PTDSS1: variants seen among roughly 807,000 people sequenced by gnomAD.
PTDSS1 encodes PSS-1.
PTDSS1 carries 45 observed loss-of-function variants against 70.5 expected under a neutral mutation model. The observed-to-expected ratio is 0.64, with a 90% CI of 0.50 to 0.82. The LOEUF is 0.82. Among genes scored for constraint, PTDSS1 ranks in the 40% least tolerant of loss-of-function variants. The pLI, the probability that PTDSS1 is intolerant of heterozygous loss-of-function variation, is 0.00. For missense variants in PTDSS1, 417 were observed against 586.1 expected (o/e 0.71, Z 2.98); for synonymous variants, 188 against 203.8 (o/e 0.92, Z 0.66).
rs1247007067 is a variant in PTDSS1 at position 96,334,207 on chromosome 8, C to T, written c.*641C>T. ...CAGTCTCCTGTAAGACCTCCTACCA[C>T]ATGGCGAGTATACACCAATCAGGAG... is the stretch of plus-strand genomic sequence containing the variant. On this transcript the variant is annotated 3_prime_UTR_variant, in exon 13 of 13. Transcript: ENST00000517309. 3 of 175,088 alleles carry T rather than the reference C, an allele frequency of 1.7e-5. No homozygotes were observed. The highest frequency in any genetic ancestry group is 7.1e-5 in the African/African-American group (3 of 42,080). 10.8% of individuals were successfully genotyped at this position (175,088 alleles called of 1,614,324 possible).
At chr8:96,331,139 G>A (rs779077840) in intron 12 of PTDSS1, 44 bp downstream of exon 12, 24 of 1,524,346 alleles carry the variant, frequency 1.6e-5, no homozygotes, top group East Asian at 4.5e-5. Context: ...CTGGGTCCTT[G>A]AGATGTGGAA....
At chr8:96,332,788 T>C (rs1233904388) in intron 12 of PTDSS1, among the ~76,000 whole-genome samples, 3 of 152,222 alleles carry the variant, frequency 2.0e-5, no homozygotes, top group African/African-American at 7.2e-5. Context: ...CTGGTAACTT[T>C]TTTTTTGTTG....
chr8:96,293,725 CAG>C (rs1810938149), intron 4 of PTDSS1, among the ~76,000 whole-genome samples: 1 of 152,228 alleles, frequency 6.6e-6, no homozygotes, highest in Non-Finnish European at 1.5e-5. Context: ...TAAAGTCCTC[CAG>C]AGTTATCTGC....
rs2130202676 is a variant in PTDSS1 at position 96,335,992 on chromosome 8, G to A, written c.*2426G>A. On this transcript the variant is annotated 3_prime_UTR_variant, in exon 13 of 13. Transcript: ENST00000517309. The stretch of plus-strand genomic sequence containing the variant: ...ACGGTTTATGTATTTTTCTCCTTAA[G>A]TAGCATTGCATTGAGTGTTAGGTTC... 1 of 152,318 alleles carries A rather than the reference G, an allele frequency of 6.6e-6. No homozygotes were observed. The highest frequency in any genetic ancestry group is 1.5e-5 in the Non-Finnish European group (1 of 68,028). The allele number at this position is 152,318 out of a possible 1,614,324, so 9.4% of individuals were successfully genotyped here.
At chr8:96,311,072 G>A (rs1373750468) in intron 9 of PTDSS1, among the ~76,000 whole-genome samples, 1 of 152,066 alleles carries the variant, frequency 6.6e-6, no homozygotes, top group Non-Finnish European at 1.5e-5. Context: ...GGCCTTAAAT[G>A]TTATATTTTA....
At chr8:96,293,148 C>T (rs576708075) in intron 4 of PTDSS1, among the ~76,000 whole-genome samples, 3 of 152,320 alleles carry the variant, frequency 2.0e-5, no homozygotes, top group African/African-American at 7.2e-5. Context: ...TCTCTGTAGT[C>T]GTAAGCTAGA....
chr8:96,309,003 G>C (rs975890172), intron 8 of PTDSS1, among the ~76,000 whole-genome samples: 9 of 151,896 alleles, frequency 5.9e-5, no homozygotes, highest in African/African-American at 2.2e-4. Flanking sequence ...TTTTTTGCCT[G>C]GTTACAATCA....
chr8:96,329,111 T>C (rs968626323), intron 10 of PTDSS1, among the ~76,000 whole-genome samples: 15 of 152,152 alleles, frequency 9.9e-5, no homozygotes, highest in Non-Finnish European at 1.3e-4. Context: ...TAAAATTATT[T>C]CCTTGAGAAG....
At chr8:96,331,256 G>A (rs192388574) in intron 12 of PTDSS1, among the ~76,000 whole-genome samples, 161 bp downstream of exon 12, 17 of 152,178 alleles carry the variant, frequency 1.1e-4, no homozygotes, top group Admixed American at 2.6e-4. Flanking sequence ...GGCTGGGCAC[G>A]GTGGCTCACG....
chr8:96,316,627 T>C (rs1417492498), intron 9 of PTDSS1, among the ~76,000 whole-genome samples: 1 of 152,060 alleles, frequency 6.6e-6, no homozygotes, highest in East Asian at 1.9e-4. Flanking sequence ...CTGGGTCCAA[T>C]ATACCCATGT....
chr8:96,266,723 G>A (rs1405426426), intron 1 of PTDSS1, among the ~76,000 whole-genome samples: 1 of 152,222 alleles, frequency 6.6e-6, no homozygotes, highest in Admixed American at 6.5e-5. Flanking sequence ...ACCAGCCCTG[G>A]AGGTGAACAT....
chr8:96,265,309 C>T (rs1283992233), intron 1 of PTDSS1, among the ~76,000 whole-genome samples: 2 of 152,142 alleles, frequency 1.3e-5, no homozygotes, highest in Non-Finnish European at 2.9e-5. Flanking sequence ...AGAAACAGTA[C>T]TTGGGTACTG....
At position 96,330,274 on chromosome 8, in the gene PTDSS1, G is replaced by A. The variant is rs368400477; in HGVS notation, c.1235G>A (p.Arg412Gln). The change falls in exon 11 of 13, where the codon CGA (arginine) becomes CAA (glutamine). Residue 412 changes from arginine (R) to glutamine (Q), a missense_variant. Physicochemically the swap from Arg to Gln is conservative, Grantham distance 43. Coordinates refer to ENST00000517309, the MANE Select transcript of PTDSS1 (RefSeq NM_014754.3). ...MIWYAEHYGH[R>Q]EKTYSECEDG... ...TGGTATGCAGAACACTATGGTCACC[G>A]AGAAAAGGTATGGAAGGAGAGGCAG... 23 of 1,610,078 alleles carry A rather than the reference G, an allele frequency of 1.4e-5. No homozygotes were observed. The highest frequency in any genetic ancestry group is 6.7e-5 in the African/African-American group (5 of 74,792).
At chr8:96,308,453 A>G (rs1428310309) in intron 8 of PTDSS1, among the ~76,000 whole-genome samples, 2 of 152,190 alleles carry the variant, frequency 1.3e-5, no homozygotes, top group East Asian at 3.9e-4. Flanking sequence ...CCTTTCTTTC[A>G]TCAAATCCTC....
chr8:96,275,784 G>A (rs1046271922), intron 2 of PTDSS1, among the ~76,000 whole-genome samples: 1 of 152,204 alleles, frequency 6.6e-6, no homozygotes, highest in African/African-American at 2.4e-5. Context: ...GGTAGTGACA[G>A]TTTATTCCCC....
chr8:96,311,889 G>C (rs1030692378), intron 9 of PTDSS1, among the ~76,000 whole-genome samples: 11 of 152,190 alleles, frequency 7.2e-5, no homozygotes, highest in African/African-American at 2.7e-4. Context: ...CCTTCTAAAG[G>C]ATTGTCCAAG....
intron 4 of PTDSS1, among the ~76,000 whole-genome samples, chr8:96,294,145 T>C (rs1405341878): frequency 6.6e-6 from 1 of 152,234 alleles, no homozygotes; most frequent in Admixed American, 6.5e-5. Flanking sequence ...GCTTTGCAAG[T>C]TGAAATGCAT....
intron 2 of PTDSS1, among the ~76,000 whole-genome samples, chr8:96,282,960 C>A (rs538617392): frequency 1.3e-5 from 2 of 152,184 alleles, no homozygotes; most frequent in Non-Finnish European, 2.9e-5. Flanking sequence ...CTTCCAGAAA[C>A]AGGCACCACC....
intron 2 of PTDSS1, chr8:96,283,876 A>G (rs541710942): frequency 4.4e-6 from 2 of 457,896 alleles, no homozygotes; most frequent in African/African-American, 2.0e-5. Context: ...TTTATAAAAA[A>G]TCTCTGTTGT....
Sources: gnomAD v4.1 joint callset for allele counts (sites outside exome capture counted in the v4.1 genomes callset) on GRCh38, gnomAD v4.1.1 for gene constraint, MANE v1.5 for transcripts, NCBI Gene and HGNC (gene_info 2026-07-23, HGNC 2026-07-21) for gene names.